The following PREX2 variants were observed in gnomAD, a reference collection of about 807,000 sequenced individuals.
The protein encoded by PREX2 is phosphatidylinositol 3,4,5-trisphosphate-dependent Rac exchanger 2 protein.
PREX2 carries 107 observed loss-of-function variants against 203.2 expected under a neutral mutation model. The ratio of observed to expected loss-of-function variants is 0.53; its 90% CI spans 0.45 to 0.62. PREX2 has a LOEUF of 0.62. PREX2 is among the 20% of genes least tolerant of loss of function. PREX2 has a pLI of 0.00. For synonymous variants in PREX2, 672 were observed against 663.6 expected, an observed-to-expected ratio of 1.01 and a Z score of -0.19; for missense variants, 1,777 against 1,955.9, an observed-to-expected ratio of 0.91 and a Z score of 1.72.
chr8:68,067,184 G>A (rs770015665), intron 11 of PREX2, among the ~76,000 whole-genome samples: 1 of 151,988 alleles, frequency 6.6e-6, no homozygotes, highest in Non-Finnish European at 1.5e-5. Context: ...TTTTGTTCAA[G>A]GTTGCTTTGG....
Position 67,952,355 on chromosome 8 carries a change from A to C in PREX2, c.-40A>C, listed in dbSNP as rs1438985274. ...GCAGCGGGCGCGCGGGTCAGCGCTC[A>C]GCACGGCGGGCAGCGCCGCGCTGCG... is the stretch of plus-strand genomic sequence containing the variant. On this transcript the variant is annotated 5_prime_UTR_variant, in exon 1 of 40. Transcript: ENST00000288368. 7.5e-6 allele frequency: 11 copies of C among 1,469,926 alleles called. No homozygotes were observed. Among genetic ancestry groups the C allele is most frequent in the Non-Finnish European group, 9.9e-6 (11 of 1,114,076 alleles). The allele number at this position is 1,469,926 out of a possible 1,614,324, so 91.1% of individuals were successfully genotyped here.
At chr8:68,025,555 G>T (rs1807694083) in intron 4 of PREX2, among the ~76,000 whole-genome samples, 1 of 151,318 alleles carries the variant, frequency 6.6e-6, no homozygotes, top group Non-Finnish European at 1.5e-5. Context: ...TCAAATCTGG[G>T]AAGTTTTTAG....
intron 34 of PREX2, among the ~76,000 whole-genome samples, chr8:68,148,543 G>A (rs1219728158): frequency 2.0e-5 from 3 of 152,138 alleles, no homozygotes; most frequent in African/African-American, 7.2e-5. Context: ...TGTACACATA[G>A]GCAAAAAATT....
chr8:68,052,236 C>A (rs1808544820), intron 8 of PREX2, among the ~76,000 whole-genome samples: 1 of 152,146 alleles, frequency 6.6e-6, no homozygotes, highest in South Asian at 2.1e-4. Context: ...TTAATTGGTA[C>A]AGGTGCTGAC....
At chr8:68,053,371 C>A in intron 9 of PREX2, 125 bp downstream of exon 9, 1 of 1,011,720 alleles carries the variant, frequency 9.9e-7, no homozygotes, top group Non-Finnish European at 1.5e-6. Context: ...TAGGTTGGTG[C>A]AAAAGTTATT....
chr8:68,019,358 A>G lies in PREX2; in HGVS notation c.214-191A>G, dbSNP rs776477027. ...CGAGGCCTTGCCCTGAGAGCCAGCC[A>G]TGGGCTTCTGGTTCCCAGAGTTGTG... On this transcript the variant is annotated intron_variant, in intron 2 of 39. Transcript: ENST00000288368. 8.5e-5 allele frequency among the ~76,000 whole-genome samples: 13 copies of G among 152,306 alleles called. 1 individual carries two copies. The highest frequency in any genetic ancestry group is 6.8e-3 in the Middle Eastern group (2 of 294).
At chr8:68,224,522 A>T (rs1376289281) in intron 38 of PREX2, 37 bp from the exon 39 acceptor site, 4 of 1,510,344 alleles carry the variant, frequency 2.6e-6, no homozygotes, top group Non-Finnish European at 3.7e-6. Flanking sequence ...TATTACTAAC[A>T]CACTGTAGGG....
intron 37 of PREX2, among the ~76,000 whole-genome samples, chr8:68,209,070 TAAAAAA>T (rs994362514): frequency 2.3e-4 from 27 of 115,096 alleles, no homozygotes; most frequent in African/African-American, 8.8e-4. Flanking sequence ...TGGACTCATT[TAAAAAA>T]AAAAAAAAAA....
At chr8:67,956,492 G>A (rs139008089) in intron 1 of PREX2, among the ~76,000 whole-genome samples, 1 of 152,336 alleles carries the variant, frequency 6.6e-6, no homozygotes, top group East Asian at 1.9e-4. Flanking sequence ...CGGTGGACAT[G>A]AGCAGAGCAG....
intron 18 of PREX2, among the ~76,000 whole-genome samples, chr8:68,087,462 G>A (rs999445407): frequency 6.6e-6 from 1 of 152,156 alleles, no homozygotes; most frequent in Non-Finnish European, 1.5e-5. Context: ...AGAGATTGAG[G>A]CTGCAGTGAG....
intron 11 of PREX2, among the ~76,000 whole-genome samples, chr8:68,061,291 G>T (rs1336043169): frequency 6.6e-6 from 1 of 152,234 alleles, no homozygotes; most frequent in Non-Finnish European, 1.5e-5. Context: ...TGGCAAAAAG[G>T]CAGGCAGAGC....
At chr8:68,070,971 C>T (rs542728582) in intron 13 of PREX2, among the ~76,000 whole-genome samples, 1 of 152,222 alleles carries the variant, frequency 6.6e-6, no homozygotes, top group South Asian at 2.1e-4. Flanking sequence ...ATAATTCTTT[C>T]ACAGATACCC....
rs867055245 is a variant in PREX2 at position 67,987,131 on chromosome 8, C to T, written c.142-30715C>T. On this transcript the variant is annotated intron_variant, in intron 1 of 39. Transcript: ENST00000288368. Reference sequence around the variant, plus strand: ...TCACGCCACTGCACTCCAGCCTGGGCGACAGAGTGAGACTTCATCTCAAAA... The same window carrying T: ...TCACGCCACTGCACTCCAGCCTGGGTGACAGAGTGAGACTTCATCTCAAAA... 1.1e-3 allele frequency among the ~76,000 whole-genome samples: 134 copies of T among 118,466 alleles called. No homozygotes were observed. In the Middle Eastern group the frequency reaches 0.022, roughly 19 times the overall value. The allele number at this position is 118,466 out of a possible 152,430, so 77.7% of individuals were successfully genotyped here.
At chr8:67,985,125 T>C (rs1192115615) in intron 1 of PREX2, among the ~76,000 whole-genome samples, 1 of 152,156 alleles carries the variant, frequency 6.6e-6, no homozygotes, top group Non-Finnish European at 1.5e-5. Flanking sequence ...AAAACGCTTT[T>C]GGATGTTTGA....
At chr8:68,105,821 G>C (rs1810395627) in intron 23 of PREX2, 2 of 152,284 alleles carry the variant, frequency 1.3e-5, no homozygotes, top group Non-Finnish European at 2.9e-5. Context: ...CTTTTTCTAT[G>C]TTCAGATAGA....
intron 1 of PREX2, among the ~76,000 whole-genome samples, chr8:67,978,323 G>T (rs976916044): frequency 1.3e-5 from 2 of 152,120 alleles, no homozygotes; most frequent in Non-Finnish European, 2.9e-5. Flanking sequence ...TCCAGAGCAA[G>T]GGACAGAATA....
intron 37 of PREX2, among the ~76,000 whole-genome samples, chr8:68,196,714 G>A (rs992002884): frequency 1.4e-5 from 2 of 145,994 alleles, no homozygotes; most frequent in Non-Finnish European, 3.0e-5. Context: ...CTTTAAAGAT[G>A]TATGGCACCT....
intron 37 of PREX2, among the ~76,000 whole-genome samples, chr8:68,202,408 C>A (rs1812523780): frequency 1.3e-5 from 2 of 152,124 alleles, no homozygotes; most frequent in East Asian, 3.9e-4. Flanking sequence ...TGACTCTCTC[C>A]TGGAGGACTT....
At chr8:67,964,991 C>G (rs1447677109) in intron 1 of PREX2, among the ~76,000 whole-genome samples, 1 of 152,110 alleles carries the variant, frequency 6.6e-6, no homozygotes, top group Non-Finnish European at 1.5e-5. Flanking sequence ...TTAATCAGGA[C>G]TAGGAAAACC....
Sources: allele counts gnomAD v4.1 joint callset (sites outside exome capture counted in the v4.1 genomes callset), GRCh38; gene constraint gnomAD v4.1.1; transcripts MANE v1.5; gene names NCBI Gene and HGNC (gene_info 2026-07-23, HGNC 2026-07-21).